Variants in NF1 observed in about 807,000 individuals in gnomAD.
NF1 encodes neurofibromin.
Under a neutral mutation model 325.7 loss-of-function variants are expected in NF1, and 122 were observed. That is an observed-to-expected ratio of 0.37 (90% CI 0.32 to 0.44). NF1 has a LOEUF of 0.44. Among genes scored for constraint, NF1 ranks in the 20% least tolerant of loss-of-function variants. The probability of loss-of-function intolerance (pLI) is 1.00; values close to 1 mark genes in which losing one functional copy is unlikely to be tolerated. For synonymous variants in NF1, 1,091 were observed against 1,186.0 expected (o/e 0.92, Z 1.65); for missense variants, 2,140 against 3,415.4 (o/e 0.63, Z 9.31).
chr17:31,370,863 T>C (rs547997256), intron 57 of NF1, among the ~76,000 whole-genome samples: 1 of 152,312 alleles, frequency 6.6e-6, no homozygotes, highest in African/African-American at 2.4e-5. Context: ...ACCTTTGTCT[T>C]TTTAAGGTCC....
At chr17:31,370,321 T>A (rs976573520) in intron 57 of NF1, among the ~76,000 whole-genome samples, 2 of 152,186 alleles carry the variant, frequency 1.3e-5, no homozygotes, top group Non-Finnish European at 2.9e-5. Context: ...GGAAAAAAAT[T>A]GGAAAATTCA....
chr17:31,228,932 T>C, intron 20 of NF1, 93 bp from the exon 21 acceptor site: 1 of 1,015,202 alleles, frequency 9.9e-7, no homozygotes, highest in Non-Finnish European at 1.5e-6. Context: ...TTTTGTACTT[T>C]TGTCATGGAA....
chr17:31,171,512 A>C (rs1284371490), intron 5 of NF1, among the ~76,000 whole-genome samples: 1 of 152,202 alleles, frequency 6.6e-6, no homozygotes, highest in Non-Finnish European at 1.5e-5. Context: ...AAAACAATAG[A>C]AATGTTCAAT....
chr17:31,250,710 C>G (rs1329327560), intron 30 of NF1: 1 of 190,352 alleles, frequency 5.3e-6, no homozygotes, highest in African/African-American at 2.3e-5. Flanking sequence ...ATTTCCCATC[C>G]CTCCCACCTA....
At chr17:31,370,076 G>A (rs2070604540) in intron 57 of NF1, among the ~76,000 whole-genome samples, 1 of 151,976 alleles carries the variant, frequency 6.6e-6, no homozygotes, top group African/African-American at 2.4e-5. Flanking sequence ...CATCTTTGCT[G>A]TGAAGTTGAA....
chr17:31,200,368 C>T, intron 8 of NF1, 54 bp from the exon 9 acceptor site: 2 of 1,550,552 alleles, frequency 1.3e-6, no homozygotes, highest in South Asian at 2.2e-5. Context: ...TTAGCTACAT[C>T]TGGAATAGAA....
intron 1 of NF1, among the ~76,000 whole-genome samples, chr17:31,122,687 A>T (rs923603948): frequency 3.9e-5 from 6 of 152,226 alleles, no homozygotes; most frequent in African/African-American, 1.2e-4. Context: ...TTTTCAGATA[A>T]ATTGAAGATT....
chr17:31,222,077 T>C (rs1303170631), intron 15 of NF1, 148 bp downstream of exon 15: 3 of 1,293,994 alleles, frequency 2.3e-6, no homozygotes, highest in African/African-American at 1.5e-5. Context: ...CTTCAAATTA[T>C]TAGAATTTCT....
intron 53 of NF1, 73 bp downstream of exon 53, chr17:31,357,163 T>A (rs2070292697): frequency 6.2e-7 from 1 of 1,601,272 alleles, no homozygotes; most frequent in Non-Finnish European, 8.5e-7. Flanking sequence ...GGCCCTTAAA[T>A]ATTAAAAACA....
chr17:31,296,637 G>A, intron 36 of NF1: 1 of 344,224 alleles, frequency 2.9e-6, no homozygotes, highest in Non-Finnish European at 5.5e-6. Flanking sequence ...TCTTTCTAGA[G>A]CCTTAATATG....
At chr17:31,223,416 A>C in intron 15 of NF1, 28 bp from the exon 16 acceptor site, 3 of 1,608,708 alleles carry the variant, frequency 1.9e-6, no homozygotes, top group South Asian at 1.1e-5. Flanking sequence ...TGATGATGCT[A>C]GTAACAATGA....
At position 31,327,012 on chromosome 17, in the gene NF1, ATCTCAGAGTGCAGTG is replaced by A. The variant is rs2069362073; in HGVS notation, c.5269-486_5269-472del. On this transcript the variant is annotated intron_variant, in intron 37 of 57. Coordinates refer to ENST00000358273, the MANE Select transcript of NF1 (RefSeq NM_001042492.3). Reference sequence around the variant, plus strand: ...CGTGATCTCAGAGTGCAGTGGCGTGATCTCAGAGTGCAGTGGCATGATCTTGGCTCACTGCAACCT... The same window carrying A: ...CGTGATCTCAGAGTGCAGTGGCGTGAGCATGATCTTGGCTCACTGCAACCT... Among the ~76,000 whole-genome samples the A allele has an allele frequency of 2.4e-4, 36 of 151,562 alleles. No individual in the cohort carries two copies. In the South Asian group the frequency reaches 7.3e-3, roughly 31 times the overall value.
intron 1 of NF1, among the ~76,000 whole-genome samples, chr17:31,143,600 A>G (rs1916383553): frequency 2.0e-5 from 3 of 151,966 alleles, no homozygotes; most frequent in Admixed American, 2.0e-4. Flanking sequence ...ATTTAGTATG[A>G]ATTAGTCTTT....
intron 1 of NF1, among the ~76,000 whole-genome samples, chr17:31,143,476 G>C (rs887807073): frequency 2.0e-5 from 3 of 151,940 alleles, no homozygotes; most frequent in African/African-American, 7.3e-5. Flanking sequence ...TCACTTTGTT[G>C]CCCAGGCTGG....
Position 31,227,579 on chromosome 17 carries a change from T to C in NF1, c.2382T>C (p.Tyr794=), listed in dbSNP as rs2151427564. The C allele has an allele frequency of 6.2e-7, 1 of 1,613,876 alleles. No individual in the cohort carries two copies. Among genetic ancestry groups the C allele is most frequent in the Non-Finnish European group, 8.5e-7 (1 of 1,179,828 alleles). The change falls in exon 20 of 58, where the codon TAT becomes TAC. Residue 794 remains tyrosine, a synonymous_variant. Coordinates refer to ENST00000358273, the MANE Select transcript of NF1 (RefSeq NM_001042492.3). ...WEQATKLILN[Y]PKAKMEDGQA... is the part of the protein sequence containing the mutation. ...AAGCAACAAAGCTAATCCTTAACTA[T>C]CCAAAAGCCAAAATGGAAGATGGCC...
intron 36 of NF1, among the ~76,000 whole-genome samples, chr17:31,308,953 GAGAA>G: frequency 6.6e-6 from 1 of 152,262 alleles, no homozygotes; most frequent in Middle Eastern, 3.4e-3. Flanking sequence ...AGGCAGAAAG[GAGAA>G]AGAAAAATAC....
intron 29 of NF1, among the ~76,000 whole-genome samples, chr17:31,248,029 C>T (rs1417123466): frequency 1.3e-5 from 2 of 151,350 alleles, no homozygotes; most frequent in East Asian, 3.9e-4. Context: ...ATGGTGAAAC[C>T]CTGTCTCTAC....
At chr17:31,128,240 C>G (rs1245124949) in intron 1 of NF1, among the ~76,000 whole-genome samples, 1 of 151,978 alleles carries the variant, frequency 6.6e-6, no homozygotes, top group Admixed American at 6.6e-5. Context: ...GTGTGAGCCA[C>G]TGCACCCAGC....
intron 36 of NF1, among the ~76,000 whole-genome samples, chr17:31,290,395 C>T (rs972251803): frequency 2.0e-5 from 3 of 152,108 alleles, no homozygotes; most frequent in African/African-American, 7.2e-5. Flanking sequence ...TGAGTCTTTT[C>T]CTTTCCCCTT....
Sources: allele counts gnomAD v4.1 joint callset (sites outside exome capture counted in the v4.1 genomes callset), GRCh38; gene constraint gnomAD v4.1.1; transcripts MANE v1.5; gene names NCBI Gene and HGNC (gene_info 2026-07-23, HGNC 2026-07-21).